The following ADGRL3 variants were observed in gnomAD, a reference collection of about 807,000 sequenced individuals.
ADGRL3 encodes adhesion G protein-coupled receptor L3.
ADGRL3 carries 62 observed loss-of-function variants against 153.5 expected under a neutral mutation model. That is an observed-to-expected ratio of 0.40 (90% CI 0.33 to 0.50). ADGRL3 has a LOEUF of 0.50. ADGRL3 is among the 20% of genes least tolerant of loss of function. The pLI is 0.47. For missense variants in ADGRL3, 1,641 were observed against 1,859.4 expected, an observed-to-expected ratio of 0.88 and a Z score of 2.16; for synonymous variants, 710 against 672.5, an observed-to-expected ratio of 1.06 and a Z score of -0.86.
At chr4:61,669,788 C>T (rs184951597) in intron 5 of ADGRL3, among the ~76,000 whole-genome samples, 10 of 152,226 alleles carry the variant, frequency 6.6e-5, no homozygotes, top group African/African-American at 2.4e-4. Context: ...TCTTTTTTAA[C>T]ATTATCCTAC....
At chr4:61,708,580 T>C (rs1419980738) in intron 6 of ADGRL3, among the ~76,000 whole-genome samples, 1 of 152,066 alleles carries the variant, frequency 6.6e-6, no homozygotes, top group African/African-American at 2.4e-5. Flanking sequence ...CAGGGGTACA[T>C]TTGCAGGATG....
intron 1 of ADGRL3, among the ~76,000 whole-genome samples, chr4:61,308,497 T>C (rs181954765): frequency 1.4e-4 from 22 of 152,266 alleles, no homozygotes; most frequent in Non-Finnish European, 2.4e-4. Flanking sequence ...AAGACTTCCT[T>C]AGGGCACACT....
intron 15 of ADGRL3, among the ~76,000 whole-genome samples, chr4:61,939,458 T>C (rs1162600091): frequency 5.9e-5 from 9 of 151,392 alleles, no homozygotes; most frequent in Non-Finnish European, 1.3e-4. Flanking sequence ...AGACAAAATT[T>C]GCCAGTTTTT....
chr4:61,424,261 C>T (rs998701148), intron 2 of ADGRL3, among the ~76,000 whole-genome samples: 1 of 152,108 alleles, frequency 6.6e-6, no homozygotes, highest in Admixed American at 6.5e-5. Context: ...TGTGCACCTG[C>T]GCTCTAATCC....
At chr4:61,339,252 T>C (rs1456364376) in intron 1 of ADGRL3, among the ~76,000 whole-genome samples, 1 of 152,216 alleles carries the variant, frequency 6.6e-6, no homozygotes, top group Non-Finnish European at 1.5e-5. Context: ...CGTAACACAA[T>C]GCTTCACACA....
chr4:61,321,875 T>G (rs2095363679), intron 1 of ADGRL3, among the ~76,000 whole-genome samples: 1 of 152,134 alleles, frequency 6.6e-6, no homozygotes, highest in African/African-American at 2.4e-5. Context: ...AAAAATAATA[T>G]AAATTGGTTA....
At chr4:61,301,145 C>G (rs1440120022) in intron 1 of ADGRL3, among the ~76,000 whole-genome samples, 1 of 152,156 alleles carries the variant, frequency 6.6e-6, no homozygotes, top group Non-Finnish European at 1.5e-5. Context: ...AGATTATGGT[C>G]TCTGTTCTAA....
intron 9 of ADGRL3, among the ~76,000 whole-genome samples, chr4:61,867,539 T>TATATATATATATATATATATATATAA (rs1001275572): frequency 2.2e-5 from 3 of 138,742 alleles, no homozygotes; most frequent in African/African-American, 7.8e-5. Context: ...TATATATATA[T>TATATATATATATATATATATATATAA]AATTGTAGGA....
At chr4:61,376,786 T>C (rs75003492) in intron 1 of ADGRL3, among the ~76,000 whole-genome samples, 45 of 152,304 alleles carry the variant, frequency 3.0e-4, no homozygotes, top group African/African-American at 1.1e-3. Flanking sequence ...TCCTTTATTA[T>C]GTCATAGGAC....
chr4:61,810,178 C>T (rs1410553896), intron 8 of ADGRL3, among the ~76,000 whole-genome samples: 1 of 152,086 alleles, frequency 6.6e-6, no homozygotes, highest in African/African-American at 2.4e-5. Flanking sequence ...TGTCTCAACA[C>T]ACATGAAGGA....
intron 8 of ADGRL3, among the ~76,000 whole-genome samples, chr4:61,773,166 G>A (rs1306895288): frequency 6.6e-6 from 1 of 152,160 alleles, no homozygotes; most frequent in African/African-American, 2.4e-5. Context: ...ACTTGTCCAG[G>A]TGGATAATAC....
intron 1 of ADGRL3, among the ~76,000 whole-genome samples, chr4:61,231,428 G>T (rs1343859864): frequency 6.6e-6 from 1 of 152,126 alleles, no homozygotes; most frequent in Admixed American, 6.5e-5. Context: ...ATTTCTAGGG[G>T]TTGTGGGGGC....
intron 2 of ADGRL3, among the ~76,000 whole-genome samples, chr4:61,456,402 T>TATAG (rs2097745382): frequency 1.2e-5 from 1 of 82,984 alleles, no homozygotes; most frequent in African/African-American, 4.0e-5. Context: ...TATATCTATA[T>TATAG]CTATATATAT....
chr4:61,726,210 G>GTTTTTTTGTTTTTTTTTTTTTTTT (rs149472429), intron 6 of ADGRL3, among the ~76,000 whole-genome samples: 2 of 118,480 alleles, frequency 1.7e-5, no homozygotes, highest in Non-Finnish European at 3.4e-5. Context: ...TTTTTTTTTT[G>GTTTTTTTGTTTTTTTTTTTTTTTT]TTTTTTGAGA....
chr4:61,230,901 G>A (rs1009945160), intron 1 of ADGRL3, among the ~76,000 whole-genome samples: 2 of 152,168 alleles, frequency 1.3e-5, no homozygotes, highest in African/African-American at 4.8e-5. Flanking sequence ...GGGGAAAAGT[G>A]CTGATAAAAA....
At chr4:61,818,015 A>AT (rs1228281394) in intron 9 of ADGRL3, among the ~76,000 whole-genome samples, 1 of 152,110 alleles carries the variant, frequency 6.6e-6, no homozygotes, top group Admixed American at 6.5e-5. Context: ...ATGTGCTCAC[A>AT]TTTCAAAACC....
intron 24 of ADGRL3, among the ~76,000 whole-genome samples, chr4:62,041,465 A>T (rs577531021): frequency 5.9e-5 from 9 of 152,224 alleles, no homozygotes; most frequent in African/African-American, 2.2e-4. Flanking sequence ...AAAGTGAAAT[A>T]TGTATATGAA....
At chr4:61,682,770 T>C (rs2095364561) in intron 6 of ADGRL3, among the ~76,000 whole-genome samples, 1 of 152,066 alleles carries the variant, frequency 6.6e-6, no homozygotes, top group African/African-American at 2.4e-5. Context: ...GCTTCACATG[T>C]GCATGGAAGT....
At chr4:61,378,268 T>C (rs2096627951) in intron 1 of ADGRL3, among the ~76,000 whole-genome samples, 1 of 152,046 alleles carries the variant, frequency 6.6e-6, no homozygotes, top group Non-Finnish European at 1.5e-5. Context: ...ACAGTTGTTT[T>C]TGGCAATTTT....
Sources: allele counts gnomAD v4.1 joint callset (sites outside exome capture counted in the v4.1 genomes callset), GRCh38; gene constraint gnomAD v4.1.1; transcripts MANE v1.5; gene names NCBI Gene and HGNC (gene_info 2026-07-23, HGNC 2026-07-21).